Variants in SPIRE1 observed in about 807,000 individuals in gnomAD.
SPIRE1 encodes spire type actin nucleation factor 1.
SPIRE1 carries 40 observed loss-of-function variants against 94.1 expected under a neutral mutation model. The observed-to-expected ratio is 0.43, with a 90% CI of 0.33 to 0.55. The LOEUF (loss-of-function observed/expected upper bound fraction) is 0.55, where lower values mean the gene tolerates loss of function less well. Ranked by LOEUF, SPIRE1 falls within the 20% of genes least tolerant of loss-of-function variation. The pLI, the probability that SPIRE1 is intolerant of heterozygous loss-of-function variation, is 0.06. For synonymous variants in SPIRE1, 376 were observed against 371.7 expected (o/e 1.01, Z -0.13); for missense variants, 838 against 975.2 (o/e 0.86, Z 1.87).
At chr18:12,603,441 G>A (rs1202905744) in intron 2 of SPIRE1, among the ~76,000 whole-genome samples, 3 of 152,080 alleles carry the variant, frequency 2.0e-5, no homozygotes, top group Non-Finnish European at 2.9e-5. Flanking sequence ...ATTGAAGGCT[G>A]GGCCACCCCT....
At chr18:12,583,129 A>C (rs562106288) in intron 2 of SPIRE1, among the ~76,000 whole-genome samples, 1 of 152,380 alleles carries the variant, frequency 6.6e-6, no homozygotes, top group Admixed American at 6.5e-5. Context: ...CAGATGGCAC[A>C]AAGAAAGATG....
At chr18:12,500,932 T>C (rs1598415722) in intron 6 of SPIRE1, among the ~76,000 whole-genome samples, 1 of 150,008 alleles carries the variant, frequency 6.7e-6, no homozygotes, top group South Asian at 2.1e-4. Flanking sequence ...ATTAGCTGGG[T>C]GTGGTGGTGC....
intron 2 of SPIRE1, among the ~76,000 whole-genome samples, chr18:12,586,340 G>T (rs1481665306): frequency 2.6e-5 from 4 of 152,112 alleles, no homozygotes; most frequent in Non-Finnish European, 5.9e-5. Flanking sequence ...AAAACAGTAA[G>T]TCTAAAACTG....
upstream of SPIRE1, among the ~76,000 whole-genome samples, chr18:12,660,830 A>G (rs2038682512): frequency 6.6e-6 from 1 of 152,180 alleles, no homozygotes; most frequent in Non-Finnish European, 1.5e-5. Flanking sequence ...CATATATGTA[A>G]TTAAGTTGAG....
rs534553989 is a variant in SPIRE1 at position 12,504,412 on chromosome 18, C to G, written c.972+2065G>C. 2.0e-5 allele frequency among the ~76,000 whole-genome samples: 3 copies of G among 151,938 alleles called. 1 individual carries two copies. The highest frequency in any genetic ancestry group is 7.2e-5 in the African/African-American group (3 of 41,400). On this transcript the variant is annotated intron_variant, in intron 6 of 16. Transcript: ENST00000409402. Reference sequence around the variant, plus strand: ...ATCCTAGCTACTTGGGAGGCTGAGGCACGAGAATCACTTGAACCTGGGAGG... The same window carrying G: ...ATCCTAGCTACTTGGGAGGCTGAGGGACGAGAATCACTTGAACCTGGGAGG...
chr18:12,509,009 ATTGT>A (rs1248655613), intron 5 of SPIRE1, among the ~76,000 whole-genome samples: 3 of 152,134 alleles, frequency 2.0e-5, no homozygotes, highest in Admixed American at 6.5e-5. Context: ...TGTGTGCATG[ATTGT>A]TTGGTTAAAA....
intron 2 of SPIRE1, among the ~76,000 whole-genome samples, chr18:12,591,040 TAAAC>T (rs1355914093): frequency 6.6e-6 from 1 of 152,120 alleles, no homozygotes; most frequent in African/African-American, 2.4e-5. Flanking sequence ...ATAAGATTAA[TAAAC>T]AAATTACAGT....
At chr18:12,474,611 C>G (rs752102587) in intron 10 of SPIRE1, among the ~76,000 whole-genome samples, 2 of 152,176 alleles carry the variant, frequency 1.3e-5, no homozygotes, top group African/African-American at 4.8e-5. Context: ...AACCTGAGGT[C>G]AGAAGTTCGA....
chr18:12,532,988 G>A (rs139974602), intron 4 of SPIRE1, among the ~76,000 whole-genome samples: 2 of 152,312 alleles, frequency 1.3e-5, no homozygotes, highest in African/African-American at 4.8e-5. Context: ...ATGTAGAGGA[G>A]AGATCGGCTT....
At chr18:12,612,881 A>G (rs1195522441) in intron 2 of SPIRE1, among the ~76,000 whole-genome samples, 2 of 152,152 alleles carry the variant, frequency 1.3e-5, no homozygotes, top group African/African-American at 4.8e-5. Flanking sequence ...TTGTTAATCT[A>G]TAACTACTTT....
At chr18:12,503,589 G>C (rs2033735390) in intron 6 of SPIRE1, among the ~76,000 whole-genome samples, 1 of 152,090 alleles carries the variant, frequency 6.6e-6, no homozygotes, top group Non-Finnish European at 1.5e-5. Context: ...ATTGCTGCTT[G>C]ATCTTTGGAT....
At chr18:12,589,492 C>T (rs931456181) in intron 2 of SPIRE1, among the ~76,000 whole-genome samples, 2 of 152,158 alleles carry the variant, frequency 1.3e-5, no homozygotes, top group Non-Finnish European at 2.9e-5. Context: ...ACACAAGTAT[C>T]ATCAACAGGA....
At chr18:12,479,929 A>ATAC in intron 9 of SPIRE1, 58 bp from the exon 10 acceptor site, 45 of 1,515,516 alleles carry the variant, frequency 3.0e-5, no homozygotes, top group Non-Finnish European at 4.0e-5. Flanking sequence ...TCTGTGTTGG[A>ATAC]AGCATACCAG....
chr18:12,647,966 A>G (rs376503427), intron 1 of SPIRE1, among the ~76,000 whole-genome samples: 5 of 152,194 alleles, frequency 3.3e-5, no homozygotes, highest in Non-Finnish European at 7.3e-5. Context: ...GGAGGGCTGC[A>G]TATCAAAGGA....
intron 9 of SPIRE1, 140 bp downstream of exon 9, chr18:12,485,819 G>A: frequency 1.5e-6 from 1 of 654,708 alleles, no homozygotes; most frequent in Admixed American, 3.1e-5. Flanking sequence ...CAAGCAGAAT[G>A]TTTTATTTTA....
intron 10 of SPIRE1, among the ~76,000 whole-genome samples, chr18:12,469,597 T>C (rs2032261879): frequency 6.9e-6 from 1 of 145,242 alleles, no homozygotes; most frequent in African/African-American, 2.5e-5. Flanking sequence ...ATATATTATT[T>C]ATATATTTAT....
At chr18:12,625,168 A>G (rs1182771790) in intron 2 of SPIRE1, among the ~76,000 whole-genome samples, 1 of 152,198 alleles carries the variant, frequency 6.6e-6, no homozygotes, top group African/African-American at 2.4e-5. Flanking sequence ...TCATCACACT[A>G]CAATGATCCC....
At chr18:12,658,601 A>G (rs1062235), upstream of SPIRE1, 173,879 of 469,880 alleles carry the variant, frequency 0.37, 33,923 homozygotes, top group Non-Finnish European at 0.43. Flanking sequence ...GTCTGGTTGA[A>G]AACTTGAACC....
At chr18:12,658,455 C>T, upstream of SPIRE1, 3 of 431,742 alleles carry the variant, frequency 6.9e-6, no homozygotes, top group South Asian at 3.4e-5. Flanking sequence ...GGCGCAGGGG[C>T]AAGAGGGTGT....
Sources: allele counts gnomAD v4.1 joint callset (sites outside exome capture counted in the v4.1 genomes callset), GRCh38; gene constraint gnomAD v4.1.1; transcripts MANE v1.5; gene names NCBI Gene and HGNC (gene_info 2026-07-23, HGNC 2026-07-21).